The following CHRNA9 variants were observed in gnomAD, a reference collection of about 807,000 sequenced individuals.
CHRNA9 encodes the protein neuronal acetylcholine receptor subunit alpha-9.
A neutral mutation model predicts 36.8 loss-of-function variants in CHRNA9; 24 were observed. The ratio of observed to expected loss-of-function variants is 0.65; its 90% CI spans 0.47 to 0.92. The LOEUF (loss-of-function observed/expected upper bound fraction) is 0.92. Ranked by LOEUF, CHRNA9 falls within the 40% of genes least tolerant of loss-of-function variation. The probability of loss-of-function intolerance (pLI) is 0.00; values close to 1 mark genes in which losing one functional copy is unlikely to be tolerated. For missense variants in CHRNA9, 610 were observed against 601.2 expected (o/e 1.01, Z -0.15); for synonymous variants, 231 against 231.8 (o/e 1.00, Z 0.03).
chr4:40,341,754 C>T (rs916239112), intron 3 of CHRNA9, among the ~76,000 whole-genome samples: 2 of 152,146 alleles, frequency 1.3e-5, no homozygotes. Flanking sequence ...ACTTTCATTG[C>T]TTTATTTGTG....
intron 1 of CHRNA9, 91 bp downstream of exon 1, chr4:40,335,622 T>A: frequency 9.0e-7 from 1 of 1,114,130 alleles, no homozygotes. Context: ...ACAAAACAGA[T>A]GATTCAACCG....
chr4:40,354,005 C>T lies in CHRNA9; in HGVS notation c.925C>T (p.Leu309=), dbSNP rs1712874460. The T allele has an allele frequency of 6.2e-7, 1 of 1,609,542 alleles. No individual in the cohort carries two copies. Among genetic ancestry groups the T allele is most frequent in the East Asian group, 2.2e-5 (1 of 44,748 alleles). Residue 309 remains leucine (L), a synonymous_variant, in exon 5 of 5, where the codon CTG becomes TTG. Transcript: ENST00000310169. The stretch of plus-strand genomic sequence containing the variant: ...TAAATACTACATAGCCACGATGGCC[C>T]TGATCACAGCCTCCACTGCGTTGAC... The part of the protein sequence containing the change: ...IGKYYIATMA[L]ITASTALTIM...
At chr4:40,343,475 T>A (rs12331974) in intron 3 of CHRNA9, among the ~76,000 whole-genome samples, 21,671 of 151,916 alleles carry the variant, frequency 0.14, 1,602 homozygotes, top group African/African-American at 0.16. Flanking sequence ...TATCACAAGA[T>A]CAGCACAGAA....
At chr4:40,347,059 C>T (rs903167241) in intron 3 of CHRNA9, among the ~76,000 whole-genome samples, 1 of 152,124 alleles carries the variant, frequency 6.6e-6, no homozygotes, top group African/African-American at 2.4e-5. Context: ...GTGATCTACC[C>T]ACCTCGGCCT....
chr4:40,349,709 T>C (rs1372066090), intron 4 of CHRNA9: 1 of 305,812 alleles, frequency 3.3e-6, no homozygotes, highest in Non-Finnish European at 6.1e-6. Flanking sequence ...CGGCATCCCC[T>C]GGGAACTTAT....
intron 3 of CHRNA9, among the ~76,000 whole-genome samples, chr4:40,340,735 C>CAAATCCAT (rs1560315870): frequency 6.6e-6 from 1 of 151,976 alleles, no homozygotes; most frequent in Non-Finnish European, 1.5e-5. Context: ...CATTGGTGCC[C>CAAATCCAT]AAATCCATGG....
chr4:40,346,009 G>C (rs952165775), intron 3 of CHRNA9, among the ~76,000 whole-genome samples: 3 of 151,172 alleles, frequency 2.0e-5, no homozygotes, highest in Non-Finnish European at 4.4e-5. Context: ...TGGGTGACAA[G>C]AGTGAGACTC....
intron 4 of CHRNA9, among the ~76,000 whole-genome samples, chr4:40,350,889 T>C (rs1048327592): frequency 6.6e-6 from 1 of 152,172 alleles, no homozygotes; most frequent in Non-Finnish European, 1.5e-5. Context: ...CACTCTCTTC[T>C]TGGGTAGTGA....
intron 3 of CHRNA9, among the ~76,000 whole-genome samples, chr4:40,340,146 T>A (rs1712457681): frequency 6.6e-6 from 1 of 152,214 alleles, no homozygotes; most frequent in South Asian, 2.1e-4. Context: ...AAGCCAGTTA[T>A]GTACTCATGA....
chr4:40,349,868 CCT>C (rs1417007360), intron 4 of CHRNA9: 1 of 157,392 alleles, frequency 6.4e-6, no homozygotes, highest in Non-Finnish European at 1.4e-5. Context: ...GAGGTTAAGA[CCT>C]GATTTTGAAG....
intron 3 of CHRNA9, among the ~76,000 whole-genome samples, chr4:40,343,283 C>G (rs183206428): frequency 2.6e-5 from 4 of 152,304 alleles, no homozygotes; most frequent in African/African-American, 9.6e-5. Flanking sequence ...ATACCCAAGA[C>G]TGGGTAATTT....
At position 40,337,230 on chromosome 4, in the gene CHRNA9, G is replaced by A; in HGVS notation, c.231G>A (p.Leu77=). The A allele has an allele frequency of 6.2e-7, 1 of 1,614,164 alleles. No homozygotes were observed. The highest frequency in any genetic ancestry group is 8.5e-7 in the Non-Finnish European group (1 of 1,180,012). ...IKDMDERNQI[L]TAYLWIRQIW... ...TGTAGGATGAAAGAAACCAAATTCT[G>A]ACTGCTTATTTGTGGATCCGCCAAA... The change falls in exon 3 of 5, where the codon CTG becomes CTA. Residue 77 remains leucine, a synonymous_variant. Transcript: ENST00000310169.
rs771575848 is a variant in CHRNA9 at position 40,349,312 on chromosome 4, G to A, written c.796G>A (p.Gly266Arg). The A allele has an allele frequency of 6.4e-5, 104 of 1,613,918 alleles. No homozygotes were observed. The highest frequency in any genetic ancestry group is 3.3e-4 in the Middle Eastern group (2 of 6,084). ...PLSFYLPAAS[G>R]EKVSLGVTIL... is the part of the protein sequence containing the mutation. ...GAGTTTTTATCTCCCAGCAGCCTCC[G>A]GAGAAAAGGTCTCCCTGGGAGTGAC... Residue 266 changes from glycine (G) to arginine (R), a missense_variant, in exon 4 of 5, where the codon GGA becomes AGA. By Grantham distance (125) the Gly-to-Arg change is moderately radical. Transcript: ENST00000310169.
chr4:40,337,107 G>C (rs1712344735), intron 2 of CHRNA9, 103 bp from the exon 3 acceptor site: 1 of 998,840 alleles, frequency 1.0e-6, no homozygotes, highest in South Asian at 1.6e-5. Context: ...ATTGAAATTT[G>C]ATGAGTGTTT....
At chr4:40,347,405 C>T (rs1194919219) in intron 3 of CHRNA9, among the ~76,000 whole-genome samples, 1 of 152,122 alleles carries the variant, frequency 6.6e-6, no homozygotes, top group Non-Finnish European at 1.5e-5. Context: ...CTGGAACCAA[C>T]CATAATGTGA....
intron 3 of CHRNA9, among the ~76,000 whole-genome samples, chr4:40,341,937 T>C (rs1712511778): frequency 6.6e-6 from 1 of 152,190 alleles, no homozygotes; most frequent in Non-Finnish European, 1.5e-5. Flanking sequence ...AGATGAGGTC[T>C]CACTATATTG....
chr4:40,339,749 A>G (rs1244708564), intron 3 of CHRNA9, among the ~76,000 whole-genome samples: 4 of 151,472 alleles, frequency 2.6e-5, no homozygotes, highest in African/African-American at 7.3e-5. Flanking sequence ...TACAGCCTCA[A>G]CTTCCCGGGC....
Position 40,337,289 on chromosome 4 carries a change from A to T in CHRNA9, c.290A>T (p.Asp97Val). Residue 97 changes from aspartate (D) to valine (V), a missense_variant, in exon 3 of 5, where the codon GAT (aspartate) becomes GTT (valine). By Grantham distance (152) the Asp-to-Val change is radical. Coordinates refer to ENST00000310169, the MANE Select transcript of CHRNA9 (RefSeq NM_017581.4). ...GATGCCTATCTCACGTGGGACCGAG[A>T]TCAGTACGATGGCCTAGACTCCATC... Reference protein sequence around the residue: ...WHDAYLTWDRDQYDGLDSIRI... With the variant: ...WHDAYLTWDRVQYDGLDSIRI... 6.2e-7 allele frequency: 1 copy of T among 1,614,228 alleles called. No individual in the cohort carries two copies. The highest frequency in any genetic ancestry group is 8.5e-7 in the Non-Finnish European group (1 of 1,180,038).
At chr4:40,345,583 G>T (rs1712616499) in intron 3 of CHRNA9, among the ~76,000 whole-genome samples, 1 of 152,010 alleles carries the variant, frequency 6.6e-6, no homozygotes, top group South Asian at 2.1e-4. Context: ...GTGGTGGTGC[G>T]TGCCTATAAT....
Sources: gnomAD v4.1 joint callset for allele counts (sites outside exome capture counted in the v4.1 genomes callset) on GRCh38, gnomAD v4.1.1 for gene constraint, MANE v1.5 for transcripts, NCBI Gene and HGNC (gene_info 2026-07-23, HGNC 2026-07-21) for gene names.